The following P4HA1 variants were observed in gnomAD, a reference collection of about 807,000 sequenced individuals.
P4HA1 encodes prolyl 4-hydroxylase subunit alpha-1.
In P4HA1, 24 loss-of-function variants were observed where a neutral mutation model predicts 72.8. The observed-to-expected ratio is 0.33, with a 90% confidence interval of 0.24 to 0.46. P4HA1 has a LOEUF of 0.46. Ranked by LOEUF, P4HA1 falls within the 20% of genes least tolerant of loss-of-function variation. The pLI, the probability that P4HA1 is intolerant of heterozygous loss-of-function variation, is 1.00. For synonymous variants in P4HA1, 201 were observed against 218.8 expected, an observed-to-expected ratio of 0.92 and a Z score of 0.72; for missense variants, 446 against 640.6, an observed-to-expected ratio of 0.70 and a Z score of 3.28.
chr10:73,075,572 G>A (rs941386651), intron 1 of P4HA1, among the ~76,000 whole-genome samples: 1 of 152,126 alleles, frequency 6.6e-6, no homozygotes, highest in East Asian at 1.9e-4. Flanking sequence ...CCTATCCTAT[G>A]ACTTTCTCAT....
chr10:73,078,235 CA>C (rs779247499), intron 1 of P4HA1, among the ~76,000 whole-genome samples: 5 of 152,030 alleles, frequency 3.3e-5, no homozygotes, highest in Admixed American at 1.3e-4. Context: ...GTTAGCTCAA[CA>C]AAAAATGCTC....
intron 14 of P4HA1, among the ~76,000 whole-genome samples, chr10:73,009,326 CTT>C (rs1839861143): frequency 6.6e-6 from 1 of 152,200 alleles, no homozygotes; most frequent in South Asian, 2.1e-4. Flanking sequence ...GTGAGTGCCT[CTT>C]TAAATTTTGC....
intron 12 of P4HA1, among the ~76,000 whole-genome samples, chr10:73,013,170 A>G (rs1839945362): frequency 6.6e-6 from 1 of 152,154 alleles, no homozygotes; most frequent in Non-Finnish European, 1.5e-5. Flanking sequence ...ATACATCCCA[A>G]TATGTCCCAT....
At chr10:73,008,698 A>T (rs142990840) in intron 14 of P4HA1, among the ~76,000 whole-genome samples, 42 of 152,316 alleles carry the variant, frequency 2.8e-4, no homozygotes, top group African/African-American at 8.2e-4. Context: ...AATAATGAAC[A>T]CAAACTTTGC....
intron 10 of P4HA1, among the ~76,000 whole-genome samples, chr10:73,020,932 C>G (rs1362205521): frequency 6.6e-6 from 1 of 152,042 alleles, no homozygotes; most frequent in Non-Finnish European, 1.5e-5. Flanking sequence ...GTCAGGAGTA[C>G]GAGACCAGCC....
rs1409676732 is a variant in P4HA1 at position 73,008,147 on chromosome 10, G to A, written c.*75C>T. The A allele has an allele frequency of 2.3e-6, 2 of 886,464 alleles. No individual in the cohort carries two copies. Among genetic ancestry groups the A allele is most frequent in the Non-Finnish European group, 3.7e-6 (2 of 539,184 alleles). 54.9% of individuals were successfully genotyped at this position (886,464 alleles called of 1,614,324 possible). A position where few individuals can be genotyped will look rare whatever the true frequency, so the allele number is the denominator to read the frequency against. On this transcript the variant is annotated 3_prime_UTR_variant, in exon 15 of 15. Coordinates refer to ENST00000394890, the MANE Select transcript of P4HA1 (RefSeq NM_001017962.3). Reference sequence around the variant, plus strand: ...GAGTGTTAGTCAATTGTAAACTCCTGAAAGTTAAGACTAGGAAATGTGTAT... The same window carrying A: ...GAGTGTTAGTCAATTGTAAACTCCTAAAAGTTAAGACTAGGAAATGTGTAT...
At chr10:73,072,314 G>A in intron 3 of P4HA1, 134 bp from the exon 4 acceptor site, 2 of 650,062 alleles carry the variant, frequency 3.1e-6, no homozygotes, top group East Asian at 2.7e-5. Context: ...TAAAGTAAAA[G>A]TATACGGTCT....
intron 1 of P4HA1, among the ~76,000 whole-genome samples, chr10:73,076,168 T>C (rs1286229040): frequency 6.6e-6 from 1 of 152,158 alleles, no homozygotes; most frequent in Admixed American, 6.5e-5. Flanking sequence ...TCATGAATAC[T>C]AAATGGGTGA....
At chr10:73,046,106 T>A (rs1042389883) in intron 8 of P4HA1, among the ~76,000 whole-genome samples, 1 of 152,160 alleles carries the variant, frequency 6.6e-6, no homozygotes, top group African/African-American at 2.4e-5. Flanking sequence ...TGCACTATAA[T>A]GGCAGAACTA....
At chr10:73,071,156 A>G (rs934702847) in intron 4 of P4HA1, 5 of 152,074 alleles carry the variant, frequency 3.3e-5, no homozygotes, top group African/African-American at 1.2e-4. Flanking sequence ...ACTGTACTCC[A>G]GCCTGGGCAA....
chr10:73,037,854 T>C (rs538540983), intron 9 of P4HA1, among the ~76,000 whole-genome samples: 2 of 151,816 alleles, frequency 1.3e-5, no homozygotes, highest in South Asian at 4.2e-4. Flanking sequence ...ATAAAAAAGC[T>C]GAACCACTCA....
chr10:73,031,058 T>C (rs1340639069), intron 9 of P4HA1, among the ~76,000 whole-genome samples: 2 of 145,438 alleles, frequency 1.4e-5, no homozygotes, highest in Admixed American at 6.6e-5. Context: ...CAATAACTTG[T>C]ACAGAATTTT....
At chr10:73,071,617 C>T (rs1344100687) in intron 4 of P4HA1, among the ~76,000 whole-genome samples, 1 of 151,900 alleles carries the variant, frequency 6.6e-6, no homozygotes, top group Non-Finnish European at 1.5e-5. Context: ...CCACATTGAG[C>T]AAACTAATTC....
In P4HA1 at chr10:73,053,382, T is replaced by C. The variant is rs756810248; in HGVS notation, c.672A>G (p.Ala224=). 1 of 1,614,162 alleles carries C rather than the reference T, an allele frequency of 6.2e-7. No individual in the cohort carries two copies. ...AVYQQGDLDK[A]LLLTKKLLEL... ...CAAGAAGCTTCTTTGTGAGCAAAAG[T>C]GCCTTATCCAGGTCTCCCTGCTGAT... Residue 224 remains alanine, a synonymous_variant, in exon 6 of 15, where the codon GCA becomes GCG. Coordinates refer to ENST00000394890, the MANE Select transcript of P4HA1 (RefSeq NM_001017962.3).
At position 73,095,227 on chromosome 10, in the gene P4HA1, T is replaced by TAA. The variant is rs35159575; in HGVS notation, c.-33+1537_-33+1538dup. Among the ~76,000 whole-genome samples, 574 of 67,314 alleles carry TAA rather than the reference T, an allele frequency of 8.5e-3. 16 individuals are homozygous for TAA. Among genetic ancestry groups the TAA allele is most frequent in the East Asian group, 0.011 (29 of 2,728 alleles). The allele number at this position is 67,314 out of a possible 152,430, so 44.2% of individuals were successfully genotyped here. ...AGATTCTTAAATTACGCTCACAAGCTAAAAAAAAAAAAAAAAAAAAAAAAA... is the reference window on the plus strand; with the variant it reads ...AGATTCTTAAATTACGCTCACAAGCTAAAAAAAAAAAAAAAAAAAAAAAAAAA... On this transcript the variant is annotated intron_variant, in intron 1 of 14. Coordinates refer to ENST00000394890, the MANE Select transcript of P4HA1 (RefSeq NM_001017962.3).
At chr10:73,031,776 A>C (rs1023693509) in intron 9 of P4HA1, among the ~76,000 whole-genome samples, 11 of 152,136 alleles carry the variant, frequency 7.2e-5, no homozygotes, top group Non-Finnish European at 1.5e-4. Flanking sequence ...AAAAGCGTGA[A>C]TTTTATGATA....
chr10:73,043,858 G>A (rs1221889046), intron 9 of P4HA1: 1 of 1,499,992 alleles, frequency 6.7e-7, no homozygotes, highest in Non-Finnish European at 9.3e-7. Flanking sequence ...GTCCAAATAT[G>A]ACTAAAGTTC....
At chr10:73,025,900 A>G (rs1840254758) in intron 10 of P4HA1, among the ~76,000 whole-genome samples, 1 of 152,220 alleles carries the variant, frequency 6.6e-6, no homozygotes, top group East Asian at 1.9e-4. Flanking sequence ...TCCAACTTAC[A>G]AGGGATGTGA....
chr10:73,081,805 C>T lies in P4HA1; in HGVS notation c.-32-6890G>A, dbSNP rs570391948. Reference sequence around the variant, plus strand: ...ATCCCAGCACTTTGGGAGGCGGAGGCTGGCGGATCACGAGGTCAGGAGTTC... The same window carrying T: ...ATCCCAGCACTTTGGGAGGCGGAGGTTGGCGGATCACGAGGTCAGGAGTTC... On this transcript the variant is annotated intron_variant, in intron 1 of 14. Coordinates refer to ENST00000394890, the MANE Select transcript of P4HA1 (RefSeq NM_001017962.3). Among the ~76,000 whole-genome samples the T allele has an allele frequency of 5.3e-5, 8 of 152,316 alleles. No individual in the cohort carries two copies. The East Asian group carries it at 1.5e-3, about 29-fold the overall frequency.
Sources: gnomAD v4.1 joint callset for allele counts (sites outside exome capture counted in the v4.1 genomes callset) on GRCh38, gnomAD v4.1.1 for gene constraint, MANE v1.5 for transcripts, NCBI Gene and HGNC (gene_info 2026-07-23, HGNC 2026-07-21) for gene names.